The following ACTR3 variants were observed in gnomAD, a reference collection of about 807,000 sequenced individuals.
The protein encoded by ACTR3 is actin-related protein 3.
Under a neutral mutation model 56.8 loss-of-function variants are expected in ACTR3, and 12 were observed. That is an observed-to-expected ratio of 0.21 (90% CI 0.14 to 0.34). The LOEUF (loss-of-function observed/expected upper bound fraction) is 0.34. ACTR3 is among the 10% of genes least tolerant of loss of function. ACTR3 has a pLI of 1.00. For missense variants in ACTR3, 282 were observed against 512.5 expected (o/e 0.55, Z 4.34); for synonymous variants, 162 against 167.4 (o/e 0.97, Z 0.25).
chr2:113,915,184 GA>G (rs1679380527), intron 2 of ACTR3, among the ~76,000 whole-genome samples: 1 of 152,202 alleles, frequency 6.6e-6, no homozygotes, highest in African/African-American at 2.4e-5. Flanking sequence ...TTGGGTGGCT[GA>G]AAACAACAAA....
intron 11 of ACTR3, among the ~76,000 whole-genome samples, chr2:113,956,974 A>G (rs1325464878): frequency 6.6e-6 from 1 of 152,228 alleles, no homozygotes; most frequent in African/African-American, 2.4e-5. Flanking sequence ...TAGTCATAGC[A>G]TGACTAGGAG....
At chr2:113,921,756 T>C (rs1679515884) in intron 3 of ACTR3, among the ~76,000 whole-genome samples, 2 of 152,296 alleles carry the variant, frequency 1.3e-5, no homozygotes, top group Admixed American at 6.5e-5. Context: ...GAGGTACTTG[T>C]GAGACGTCTG....
chr2:113,918,857 A>C (rs1168737099), intron 3 of ACTR3, among the ~76,000 whole-genome samples: 2 of 152,222 alleles, frequency 1.3e-5, no homozygotes, highest in African/African-American at 2.4e-5. Context: ...ATTCTGGGAA[A>C]ACCAGATAAT....
chr2:113,936,567 T>A (rs1679831272), intron 6 of ACTR3, among the ~76,000 whole-genome samples: 1 of 152,248 alleles, frequency 6.6e-6, no homozygotes. Flanking sequence ...ACAACAGCTT[T>A]GACCTTCTAG....
chr2:113,941,553 TA>T (rs869098784), intron 7 of ACTR3, among the ~76,000 whole-genome samples: 1 of 152,112 alleles, frequency 6.6e-6, no homozygotes, highest in Non-Finnish European at 1.5e-5. Flanking sequence ...GAAGTTTTTT[TA>T]AAAAAATAAA....
intron 1 of ACTR3, among the ~76,000 whole-genome samples, chr2:113,907,301 T>G (rs1679213477): frequency 6.6e-6 from 1 of 152,198 alleles, no homozygotes; most frequent in South Asian, 2.1e-4. Context: ...AGACGGGGTC[T>G]TGCTCTGTTG....
intron 8 of ACTR3, among the ~76,000 whole-genome samples, chr2:113,949,474 A>T (rs6542185): frequency 0.87 from 131,878 of 151,638 alleles, 57,752 homozygotes; most frequent in African/African-American, 0.95. Flanking sequence ...TAAAGGAATA[A>T]TGTCTCTCAA....
intron 1 of ACTR3, among the ~76,000 whole-genome samples, chr2:113,906,663 A>T (rs1056486237): frequency 3.9e-5 from 6 of 152,144 alleles, no homozygotes; most frequent in Non-Finnish European, 8.8e-5. Context: ...AGGTAAAGGT[A>T]CAACTTCATT....
chr2:113,903,830 T>A (rs1679145241), intron 1 of ACTR3, among the ~76,000 whole-genome samples: 1 of 149,904 alleles, frequency 6.7e-6, no homozygotes, highest in Non-Finnish European at 1.5e-5. Context: ...TTTACTACAC[T>A]CTCTTCTCCT....
At chr2:113,913,910 A>G (rs1668497938) in intron 2 of ACTR3, among the ~76,000 whole-genome samples, 1 of 152,196 alleles carries the variant, frequency 6.6e-6, no homozygotes, top group Non-Finnish European at 1.5e-5. Context: ...TTGACTTGCA[A>G]ACAGTTCACG....
At chr2:113,942,014 AC>A (rs1416460014) in intron 7 of ACTR3, among the ~76,000 whole-genome samples, 171 bp from the exon 8 acceptor site, 9 of 152,152 alleles carry the variant, frequency 5.9e-5, no homozygotes, top group Non-Finnish European at 1.0e-4. Flanking sequence ...GTTTATTTGT[AC>A]TACACATATG....
At chr2:113,944,584 TAAA>T (rs34378884) in intron 8 of ACTR3, among the ~76,000 whole-genome samples, 11 of 58,026 alleles carry the variant, frequency 1.9e-4, no homozygotes, top group Admixed American at 1.3e-3. Context: ...CCGTCTCTAC[TAAA>T]AAAAAAAAAA....
intron 3 of ACTR3, among the ~76,000 whole-genome samples, chr2:113,926,716 T>C (rs1679626874): frequency 6.6e-6 from 1 of 152,186 alleles, no homozygotes; most frequent in Non-Finnish European, 1.5e-5. Context: ...CCTGATGACC[T>C]CTTAAAGGCC....
chr2:113,956,719 G>C (rs923996217), intron 11 of ACTR3, among the ~76,000 whole-genome samples: 1 of 152,214 alleles, frequency 6.6e-6, no homozygotes, highest in Non-Finnish European at 1.5e-5. Context: ...ATATTAAAAT[G>C]AAGGAGCTTT....
chr2:113,929,569 T>G (rs1165194427), intron 4 of ACTR3, among the ~76,000 whole-genome samples: 1 of 152,106 alleles, frequency 6.6e-6, no homozygotes. Flanking sequence ...ACCTGATTGG[T>G]TTTTTAGGGA....
chr2:113,915,202 G>A (rs1679381022), intron 2 of ACTR3, among the ~76,000 whole-genome samples: 1 of 152,194 alleles, frequency 6.6e-6, no homozygotes, highest in African/African-American at 2.4e-5. Context: ...CAAACACTTA[G>A]AATTCTGGAG....
Position 113,913,225 on chromosome 2 carries a change from C to G in ACTR3, c.98C>G (p.Ser33Cys), listed in dbSNP as rs760816638. ...ACAGAACCACAGTTTATCATCCCTT[C>G]CTGTAAGTATTTCTTTTAAGCCACA... ...GNTEPQFIIP[S>C]CIAIKESAKV... Residue 33 changes from serine to cysteine, a missense_variant and splice_region_variant, in exon 2 of 12, where the codon TCC becomes TGC. Transcript: ENST00000263238. The G allele has an allele frequency of 6.3e-7, 1 of 1,587,542 alleles. No individual in the cohort carries two copies. The highest frequency in any genetic ancestry group is 8.6e-7 in the Non-Finnish European group (1 of 1,166,962).
At chr2:113,940,239 A>G (rs1679899918) in intron 7 of ACTR3, 137 bp downstream of exon 7, 2 of 645,024 alleles carry the variant, frequency 3.1e-6, no homozygotes, top group South Asian at 6.8e-5. Flanking sequence ...CCTTAAATAT[A>G]TTTACATTTT....
chr2:113,895,058 TTC>T (rs1491169187), intron 1 of ACTR3, among the ~76,000 whole-genome samples: 1 of 100,072 alleles, frequency 1.0e-5, no homozygotes, highest in African/African-American at 5.1e-5. Context: ...TTGGTTTAGG[TTC>T]CCCCCCCCCA....
Sources: gnomAD v4.1 joint callset for allele counts (sites outside exome capture counted in the v4.1 genomes callset) on GRCh38, gnomAD v4.1.1 for gene constraint, MANE v1.5 for transcripts, NCBI Gene and HGNC (gene_info 2026-07-23, HGNC 2026-07-21) for gene names.